Variants in PROM1 observed in about 807,000 individuals in gnomAD.
PROM1 encodes the protein prominin-1.
A neutral mutation model predicts 116.9 loss-of-function variants in PROM1; 105 were observed. The observed-to-expected ratio is 0.90, with a 90% CI of 0.77 to 1.06. PROM1 has a LOEUF of 1.06. Ranked by LOEUF, PROM1 falls within the 50% of genes least tolerant of loss-of-function variation. The pLI is 0.00. For synonymous variants in PROM1, 393 were observed against 387.0 expected (o/e 1.02, Z -0.18); for missense variants, 1,122 against 1,045.2 (o/e 1.07, Z -1.01).
intron 15 of PROM1, among the ~76,000 whole-genome samples, chr4:15,998,148 A>C (rs1010004991): frequency 6.6e-6 from 1 of 152,252 alleles, no homozygotes; most frequent in Non-Finnish European, 1.5e-5. Context: ...AGTGAGTTCC[A>C]GAGATTATTG....
intron 5 of PROM1, among the ~76,000 whole-genome samples, chr4:16,029,073 C>T (rs1236280617): frequency 1.3e-5 from 2 of 152,154 alleles, no homozygotes; most frequent in East Asian, 3.8e-4. Context: ...TATAACAGCT[C>T]TCTTATTAAA....
chr4:16,015,704 A>C (rs545516869), intron 10 of PROM1, among the ~76,000 whole-genome samples: 49 of 152,046 alleles, frequency 3.2e-4, no homozygotes, highest in Non-Finnish European at 6.0e-4. Context: ...AACAAAACAA[A>C]ACAAAACAAA....
intron 13 of PROM1, among the ~76,000 whole-genome samples, chr4:16,004,853 CTT>C (rs1724862253): frequency 7.0e-6 from 1 of 142,422 alleles, no homozygotes; most frequent in Non-Finnish European, 1.5e-5. Flanking sequence ...TCCTTCCTTC[CTT>C]CCTTCCTCTC....
chr4:15,978,712 G>A (rs1049803754), intron 26 of PROM1, among the ~76,000 whole-genome samples: 1 of 152,206 alleles, frequency 6.6e-6, no homozygotes, highest in Admixed American at 6.5e-5. Flanking sequence ...CACGCCCACT[G>A]AAGAGGACAG....
At chr4:16,054,291 G>A (rs1738499997) in intron 2 of PROM1, among the ~76,000 whole-genome samples, 1 of 151,832 alleles carries the variant, frequency 6.6e-6, no homozygotes, top group Admixed American at 6.6e-5. Context: ...CCCCTTTTAC[G>A]CGGCCTCCAT....
intron 26 of PROM1, among the ~76,000 whole-genome samples, chr4:15,972,881 C>T (rs576567740): frequency 6.6e-6 from 1 of 152,318 alleles, no homozygotes; most frequent in East Asian, 1.9e-4. Flanking sequence ...ATCAACACAA[C>T]ACAACAGGGC....
At chr4:16,007,163 C>T (rs1002820020) in intron 12 of PROM1, among the ~76,000 whole-genome samples, 6 of 152,174 alleles carry the variant, frequency 3.9e-5, no homozygotes, top group Non-Finnish European at 8.8e-5. Context: ...GGGCCTTTTT[C>T]TAAAATATTT....
At chr4:16,030,437 A>G (rs151197208) in intron 5 of PROM1, among the ~76,000 whole-genome samples, 19 of 152,260 alleles carry the variant, frequency 1.2e-4, no homozygotes, top group African/African-American at 4.6e-4. Flanking sequence ...GGGGAAAAAA[A>G]TTGTTTTAAC....
intron 15 of PROM1, among the ~76,000 whole-genome samples, chr4:15,997,316 A>G (rs980418592): frequency 7.4e-5 from 11 of 148,174 alleles, no homozygotes; most frequent in Non-Finnish European, 1.2e-4. Context: ...AAACATATAT[A>G]TATATATATA....
At chr4:16,073,907 C>G (rs1297544529) in intron 2 of PROM1, among the ~76,000 whole-genome samples, 1 of 152,034 alleles carries the variant, frequency 6.6e-6, no homozygotes, top group East Asian at 1.9e-4. Context: ...AGGAAACCTT[C>G]CAATCAAATC....
rs759432430 is a variant in PROM1 at position 15,989,759 on chromosome 4, T to A, written c.2049A>T (p.Gln683His). 3.5e-5 allele frequency: 56 copies of A among 1,608,978 alleles called. No individual in the cohort carries two copies. The highest frequency in any genetic ancestry group is 4.0e-5 in the Non-Finnish European group (47 of 1,177,234). The change falls in exon 19 of 28, where the codon CAA becomes CAT. Residue 683 changes from glutamine (Q) to histidine (H), a missense_variant. Coordinates refer to ENST00000447510, the MANE Select transcript of PROM1 (RefSeq NM_006017.3). ...DAQTIKTIHQ[Q>H]RVLPIEQSLS... is the part of the protein sequence containing the mutation. Reference sequence around the variant, plus strand: ...GTGATTGTTCTATAGGAAGGACTCGTTGCTGGTGAATTGTTTTAATAGTTT... The same window carrying A: ...GTGATTGTTCTATAGGAAGGACTCGATGCTGGTGAATTGTTTTAATAGTTT...
chr4:16,039,318 T>C (rs1734640275), intron 2 of PROM1, among the ~76,000 whole-genome samples: 1 of 152,248 alleles, frequency 6.6e-6, no homozygotes. Context: ...TAATCATTTA[T>C]AAAAATTTTG....
intron 14 of PROM1, 113 bp from the exon 15 acceptor site, chr4:15,998,601 T>G: frequency 8.5e-7 from 1 of 1,176,616 alleles, no homozygotes; most frequent in Non-Finnish European, 1.1e-6. Flanking sequence ...CATAACATTA[T>G]TTTTCTGGTT....
intron 12 of PROM1, among the ~76,000 whole-genome samples, chr4:16,007,362 CGGAA>C (rs1231575028): frequency 6.6e-6 from 1 of 152,208 alleles, no homozygotes; most frequent in African/African-American, 2.4e-5. Flanking sequence ...CTGGCATTCC[CGGAA>C]GGGAGAACAA....
intron 2 of PROM1, 40 bp from the exon 3 acceptor site, chr4:16,039,041 G>C: frequency 7.0e-7 from 1 of 1,418,750 alleles, no homozygotes; most frequent in South Asian, 1.6e-5. Flanking sequence ...TATTTTTTCA[G>C]TAAAATTATA....
At chr4:16,030,898 C>G (rs1166480090) in intron 5 of PROM1, among the ~76,000 whole-genome samples, 3 of 151,996 alleles carry the variant, frequency 2.0e-5, no homozygotes, top group African/African-American at 7.2e-5. Context: ...ATACAAAAAT[C>G]TGCCGGGCCT....
At chr4:15,973,190 G>C (rs956439743) in intron 26 of PROM1, among the ~76,000 whole-genome samples, 3 of 152,200 alleles carry the variant, frequency 2.0e-5, no homozygotes. Context: ...GCCAAGCGCA[G>C]TGGCTCATGC....
intron 2 of PROM1, among the ~76,000 whole-genome samples, chr4:16,052,930 C>A (rs922109170): frequency 6.6e-6 from 1 of 152,204 alleles, no homozygotes; most frequent in Non-Finnish European, 1.5e-5. Flanking sequence ...AAATTGACAT[C>A]ATGAGCCTCC....
At position 16,038,979 on chromosome 4, in the gene PROM1, C is replaced by A; in HGVS notation, c.243G>T (p.Gln81His). Reference sequence around the variant, plus strand: ...AATCAATTTTGGATTCATATGCCTTCTGTAAGAATTTTCTCAAAGTATCTG... The same window carrying A: ...AATCAATTTTGGATTCATATGCCTTATGTAAGAATTTTCTCAAAGTATCTG... ...FPEDTLRKFLQKAYESKIDYD... is the reference protein window; with the variant it reads ...FPEDTLRKFLHKAYESKIDYD... Residue 81 changes from glutamine (Q) to histidine (H), a missense_variant, in exon 3 of 28, where the codon CAG (glutamine) becomes CAT (histidine). Gln to His is a conservative substitution (Grantham distance 24). Transcript: ENST00000447510. The A allele has an allele frequency of 6.7e-7, 1 of 1,497,676 alleles. No homozygotes were observed. Among genetic ancestry groups the A allele is most frequent in the Non-Finnish European group, 8.9e-7 (1 of 1,121,436 alleles). The allele number at this position is 1,497,676 out of a possible 1,614,324, so 92.8% of individuals were successfully genotyped here. A position where few individuals can be genotyped will look rare whatever the true frequency, so the allele number is the denominator to read the frequency against.
Sources: gnomAD v4.1 joint callset for allele counts (sites outside exome capture counted in the v4.1 genomes callset) on GRCh38, gnomAD v4.1.1 for gene constraint, MANE v1.5 for transcripts, NCBI Gene and HGNC (gene_info 2026-07-23, HGNC 2026-07-21) for gene names.